The following MACROD1 variants were observed in gnomAD, a reference collection of about 807,000 sequenced individuals.
MACROD1 encodes mono-ADP ribosylhydrolase 1, also known as ADP-ribose glycohydrolase MACROD1.
In MACROD1, 31 loss-of-function variants were observed where a neutral mutation model predicts 41.4. That is an observed-to-expected ratio of 0.75 (90% CI 0.56 to 1.01). The LOEUF (loss-of-function observed/expected upper bound fraction) is 1.01, where lower values mean the gene tolerates loss of function less well. Ranked by LOEUF, MACROD1 falls within the 50% of genes least tolerant of loss-of-function variation. MACROD1 has a pLI of 0.00. For synonymous variants in MACROD1, 252 were observed against 203.4 expected (o/e 1.24, Z -2.03); for missense variants, 473 against 460.0 (o/e 1.03, Z -0.26).
chr11:64,024,250 C>T (rs958208695), intron 3 of MACROD1, among the ~76,000 whole-genome samples: 12 of 152,320 alleles, frequency 7.9e-5, no homozygotes, highest in African/African-American at 1.9e-4. Context: ...GACTTTAAAA[C>T]GAAACAAAAA....
chr11:64,074,640 G>A (rs1300702541), intron 3 of MACROD1, among the ~76,000 whole-genome samples: 1 of 152,214 alleles, frequency 6.6e-6, no homozygotes, highest in Admixed American at 6.5e-5. Flanking sequence ...AAGGGGGGCT[G>A]TGCCCTTACA....
intron 1 of MACROD1, among the ~76,000 whole-genome samples, chr11:64,162,304 A>G: frequency 6.6e-6 from 1 of 152,130 alleles, no homozygotes; most frequent in Non-Finnish European, 1.5e-5. Context: ...AGATCTCACA[A>G]CTGCACTCCA....
In MACROD1 at chr11:64,083,675, G is replaced by C. The variant is rs370593581; in HGVS notation, c.517+67564C>G. Among the ~76,000 whole-genome samples the C allele has an allele frequency of 3.3e-5, 5 of 152,344 alleles. No individual in the cohort carries two copies. In the East Asian group the frequency reaches 7.7e-4, roughly 24 times the overall value. On this transcript the variant is annotated intron_variant, in intron 3 of 10. Coordinates refer to ENST00000255681, the MANE Select transcript of MACROD1 (RefSeq NM_014067.4). ...AGATGCCAACGCCGGGTCAGAGCTA[G>C]GACCTGGTTATCAAAATAGGAATGG...
intron 3 of MACROD1, among the ~76,000 whole-genome samples, chr11:64,026,394 C>G (rs1943224646): frequency 6.6e-6 from 1 of 152,154 alleles, no homozygotes; most frequent in Admixed American, 6.5e-5. Flanking sequence ...CTCCCACTGA[C>G]CCACAGTCAA....
intron 3 of MACROD1, among the ~76,000 whole-genome samples, chr11:64,100,295 TC>T (rs1323555102): frequency 6.6e-6 from 1 of 152,198 alleles, no homozygotes. Context: ...TGGCTTTCTT[TC>T]CCTCCTTTCA....
At chr11:64,003,024 A>G (rs1942852255) in intron 4 of MACROD1, among the ~76,000 whole-genome samples, 1 of 152,206 alleles carries the variant, frequency 6.6e-6, no homozygotes, top group Non-Finnish European at 1.5e-5. Context: ...ACCCCAAGTC[A>G]GCAGAAAACC....
intron 3 of MACROD1, among the ~76,000 whole-genome samples, chr11:64,016,256 C>T (rs1056823997): frequency 1.3e-5 from 2 of 152,240 alleles, no homozygotes; most frequent in African/African-American, 4.8e-5. Flanking sequence ...GCCAGCACTG[C>T]CCCCAGCCTG....
chr11:64,043,556 G>A (rs1943529106), intron 3 of MACROD1, among the ~76,000 whole-genome samples: 1 of 152,208 alleles, frequency 6.6e-6, no homozygotes. Context: ...GGCAGCAGGT[G>A]TGGGAAGGGC....
intron 3 of MACROD1, among the ~76,000 whole-genome samples, chr11:64,112,636 G>T (rs550752171): frequency 1.3e-5 from 2 of 152,344 alleles, no homozygotes; most frequent in Admixed American, 6.5e-5. Context: ...TCTCGATAGG[G>T]TGCCCAGGAA....
chr11:64,087,836 C>A (rs1275182548), intron 3 of MACROD1, among the ~76,000 whole-genome samples: 1 of 152,246 alleles, frequency 6.6e-6, no homozygotes, highest in African/African-American at 2.4e-5. Context: ...CCACAGACCA[C>A]TCTCCTGGGG....
chr11:64,138,674 G>A (rs1354672171), intron 3 of MACROD1: 3 of 429,606 alleles, frequency 7.0e-6, no homozygotes, highest in Non-Finnish European at 9.3e-6. Flanking sequence ...TACAATGTCC[G>A]AAGACAGGGA....
chr11:64,083,863 T>G (rs576672614), intron 3 of MACROD1, among the ~76,000 whole-genome samples: 32 of 152,196 alleles, frequency 2.1e-4, no homozygotes, highest in African/African-American at 7.2e-4. Flanking sequence ...GGCGCTGACC[T>G]GGGGGGTGCT....
intron 3 of MACROD1, among the ~76,000 whole-genome samples, chr11:64,054,323 T>C (rs1943745184): frequency 6.6e-6 from 1 of 152,188 alleles, no homozygotes; most frequent in Non-Finnish European, 1.5e-5. Context: ...CAACGGGGAT[T>C]ATTAACAAGT....
chr11:64,014,490 C>G (rs949947410), intron 4 of MACROD1, among the ~76,000 whole-genome samples: 1 of 152,238 alleles, frequency 6.6e-6, no homozygotes, highest in Non-Finnish European at 1.5e-5. Context: ...GCCGTAAACA[C>G]GGCCCCCGGG....
At chr11:64,055,772 GTT>G (rs1043880116) in intron 3 of MACROD1, among the ~76,000 whole-genome samples, 2 of 152,204 alleles carry the variant, frequency 1.3e-5, no homozygotes, top group Non-Finnish European at 2.9e-5. Flanking sequence ...CACTGCCTCA[GTT>G]TCCCCTTTCA....
At chr11:63,999,186 C>T (rs1365744397) in intron 8 of MACROD1, 145 bp downstream of exon 8, 2 of 1,344,186 alleles carry the variant, frequency 1.5e-6, no homozygotes, top group Non-Finnish European at 2.0e-6. Flanking sequence ...ATCTCGCCAC[C>T]GCCAGGCGCC....
intron 4 of MACROD1, among the ~76,000 whole-genome samples, chr11:64,012,177 G>A (rs1040162300): frequency 2.0e-5 from 3 of 152,006 alleles, no homozygotes; most frequent in Non-Finnish European, 4.4e-5. Context: ...TGTGCCAGCC[G>A]CTCCGCACCC....
At chr11:64,051,932 C>G (rs942346414) in intron 3 of MACROD1, among the ~76,000 whole-genome samples, 8 of 151,850 alleles carry the variant, frequency 5.3e-5, no homozygotes, top group African/African-American at 1.9e-4. Flanking sequence ...CTGGATACTC[C>G]AAGGCCACTG....
intron 2 of MACROD1, among the ~76,000 whole-genome samples, chr11:64,151,849 C>A (rs1945583552): frequency 6.6e-6 from 1 of 152,182 alleles, no homozygotes; most frequent in Admixed American, 6.5e-5. Flanking sequence ...AATGAGATGG[C>A]CAGGCGCAGT....
Sources: gnomAD v4.1 joint callset for allele counts (sites outside exome capture counted in the v4.1 genomes callset) on GRCh38, gnomAD v4.1.1 for gene constraint, MANE v1.5 for transcripts, NCBI Gene and HGNC (gene_info 2026-07-23, HGNC 2026-07-21) for gene names.